KIFBP: variants seen among roughly 807,000 people sequenced by gnomAD.
The protein encoded by KIFBP is KIF-binding protein.
A neutral mutation model predicts 58.9 loss-of-function variants in KIFBP; 46 were observed. The ratio of observed to expected loss-of-function variants is 0.78; its 90% CI spans 0.62 to 1.00. The LOEUF (loss-of-function observed/expected upper bound fraction) is 1.00. Among genes scored for constraint, KIFBP ranks in the 50% least tolerant of loss-of-function variants. The pLI is 0.00. For missense variants in KIFBP, 651 were observed against 752.9 expected, an observed-to-expected ratio of 0.86 and a Z score of 1.58; for synonymous variants, 241 against 283.4, an observed-to-expected ratio of 0.85 and a Z score of 1.50.
At position 68,990,486 on chromosome 10, in the gene KIFBP, A is replaced by G. The variant is rs184877557; in HGVS notation, c.426+1228A>G. On this transcript the variant is annotated intron_variant, in intron 1 of 6. Transcript: ENST00000361983. ...GGAGGATCACTTGAGCCCCTGGAGG[A>G]GCCATGATCATGCCACTGCAACTGC... Among the ~76,000 whole-genome samples, 691 of 152,246 alleles carry G rather than the reference A, an allele frequency of 4.5e-3. 7 individuals carry two copies. Among genetic ancestry groups the G allele is most frequent in the South Asian group, 0.018 (89 of 4,826 alleles).
intron 6 of KIFBP, among the ~76,000 whole-genome samples, chr10:69,015,130 G>A (rs1028000929): frequency 6.6e-6 from 1 of 152,058 alleles, no homozygotes; most frequent in Non-Finnish European, 1.5e-5. Flanking sequence ...CACTATGTTG[G>A]CCAGGCTGGT....
chr10:69,007,226 G>A (rs1431445183), intron 4 of KIFBP, among the ~76,000 whole-genome samples: 1 of 152,174 alleles, frequency 6.6e-6, no homozygotes, highest in Admixed American at 6.6e-5. Context: ...TAATTTTCAT[G>A]AGACCTCCCA....
At chr10:68,991,613 G>C (rs528722723) in intron 1 of KIFBP, 36 of 335,596 alleles carry the variant, frequency 1.1e-4, no homozygotes, top group Middle Eastern at 2.1e-3. Context: ...ATCCATCAAG[G>C]CTCCTTGGTC....
intron 5 of KIFBP, 77 bp from the exon 6 acceptor site, chr10:69,010,823 A>G: frequency 1.1e-6 from 1 of 913,018 alleles, no homozygotes; most frequent in Non-Finnish European, 1.8e-6. Flanking sequence ...GGAAAAAGTG[A>G]TATTAAAAAA....
chr10:69,015,720 A>G lies in KIFBP; in HGVS notation c.1170A>G (p.Glu390=). ...KVSYLRPLDF[E]EARELFLLGQ... Reference sequence around the variant, plus strand: ...GCTACTTGAGACCTTTAGATTTTGAAGAAGCCAGAGAACTTTTCTTATTGG... The same window carrying G: ...GCTACTTGAGACCTTTAGATTTTGAGGAAGCCAGAGAACTTTTCTTATTGG... Residue 390 remains glutamate (E), a synonymous_variant, in exon 7 of 7, where the codon GAA becomes GAG. Coordinates refer to ENST00000361983, the MANE Select transcript of KIFBP (RefSeq NM_015634.4). 1.2e-6 allele frequency: 2 copies of G among 1,614,204 alleles called. No homozygotes were observed. Among genetic ancestry groups the G allele is most frequent in the Non-Finnish European group, 1.7e-6 (2 of 1,180,044 alleles).
intron 1 of KIFBP, among the ~76,000 whole-genome samples, chr10:68,995,630 G>T (rs1416852215): frequency 6.6e-6 from 1 of 152,144 alleles, no homozygotes; most frequent in Non-Finnish European, 1.5e-5. Flanking sequence ...AATATGAGAT[G>T]GGAAGTGTAC....
In KIFBP at chr10:68,988,916, G is replaced by A; in HGVS notation, c.84G>A (p.Pro28=). The part of the protein sequence containing the change: ...ALSRVELHKN[P]EKEPYKSKYS... The stretch of plus-strand genomic sequence containing the variant: ...CGCGGGTGGAACTGCATAAAAATCC[G>A]GAGAAGGAACCATACAAGTCCAAAT... Residue 28 remains proline, a synonymous_variant, in exon 1 of 7, where the codon CCG becomes CCA. Transcript: ENST00000361983. 2 of 1,614,262 alleles carry A rather than the reference G, an allele frequency of 1.2e-6. No homozygotes were observed. Among genetic ancestry groups the A allele is most frequent in the Admixed American group, 1.7e-5 (1 of 60,034 alleles).
chr10:68,995,564 T>C (rs1325406522), intron 1 of KIFBP, among the ~76,000 whole-genome samples: 3 of 152,240 alleles, frequency 2.0e-5, no homozygotes, highest in African/African-American at 7.2e-5. Flanking sequence ...TTAAAATCTT[T>C]GCATCTGTGT....
In KIFBP at chr10:69,010,986, C is replaced by G. The variant is rs200525249; in HGVS notation, c.961C>G (p.Leu321Val). 4.3e-5 allele frequency: 70 copies of G among 1,613,870 alleles called. No homozygotes were observed. In the Admixed American group the frequency reaches 8.8e-4, roughly 20 times the overall value. ...GTGCTGGATCAAATACTGTTTGACT[C>G]TCATGCAGAATGCCCAACTCTCCAT... Reference protein sequence around the residue: ...ARCWIKYCLTLMQNAQLSMQD... With the variant: ...ARCWIKYCLTVMQNAQLSMQD... The change falls in exon 6 of 7, where the codon CTC (leucine) becomes GTC (valine). Residue 321 changes from leucine to valine, a missense_variant. Transcript: ENST00000361983.
In KIFBP at chr10:69,016,168, C is replaced by T. The variant is rs1564639703; in HGVS notation, c.1618C>T (p.Leu540Phe). Residue 540 changes from leucine to phenylalanine, a missense_variant, in exon 7 of 7, where the codon CTT becomes TTT. Transcript: ENST00000361983. The part of the protein sequence containing the change: ...VFPEHIGEDV[L>F]RPAMLAKFRV... ...CCCTGAGCATATAGGGGAAGATGTT[C>T]TTCGCCCTGCCATGTTAGCTAAGTT... 1 of 1,614,124 alleles carries T rather than the reference C, an allele frequency of 6.2e-7. No individual in the cohort carries two copies. Among genetic ancestry groups the T allele is most frequent in the Admixed American group, 1.7e-5 (1 of 60,010 alleles).
Position 69,015,551 on chromosome 10 carries a change from G to A in KIFBP, c.1001G>A (p.Gly334Glu), listed in dbSNP as rs113952834. The stretch of plus-strand genomic sequence containing the variant: ...TTTTTTTTCCTTCAGGACAACATAG[G>A]AGAGCTTGATCTTGATAAACAGTCT... ...NAQLSMQDNI[G>E]ELDLDKQSEL... is the part of the protein sequence containing the mutation. Residue 334 changes from glycine (G) to glutamate (E), a missense_variant, in exon 7 of 7, where the codon GGA (glycine) becomes GAA (glutamate). Gly to Glu is a moderately conservative substitution (Grantham distance 98). Coordinates refer to ENST00000361983, the MANE Select transcript of KIFBP (RefSeq NM_015634.4). 1 of 1,613,686 alleles carries A rather than the reference G, an allele frequency of 6.2e-7. No individual in the cohort carries two copies. The highest frequency in any genetic ancestry group is 8.5e-7 in the Non-Finnish European group (1 of 1,179,938).
chr10:68,988,898 G>A lies in KIFBP; in HGVS notation c.66G>A (p.Val22=), dbSNP rs368452753. The A allele has an allele frequency of 9.9e-6, 16 of 1,614,140 alleles. No individual in the cohort carries two copies. Among genetic ancestry groups the A allele is most frequent in the Middle Eastern group, 1.6e-4 (1 of 6,084 alleles). The part of the protein sequence containing the change: ...KFQAALALSR[V]ELHKNPEKEP... ...AGGCGGCGCTCGCTCTGTCGCGGGT[G>A]GAACTGCATAAAAATCCGGAGAAGG... Residue 22 remains valine (V), a synonymous_variant, in exon 1 of 7, where the codon GTG becomes GTA. Coordinates refer to ENST00000361983, the MANE Select transcript of KIFBP (RefSeq NM_015634.4).
At chr10:68,991,210 A>C (rs1260602937) in intron 1 of KIFBP, 1 of 153,950 alleles carries the variant, frequency 6.5e-6, no homozygotes, top group Non-Finnish European at 1.4e-5. Flanking sequence ...CTCTGGGGCC[A>C]GGCTTCCTTT....
rs180920587 is a variant in KIFBP, at chr10:68,992,458, A to T, written c.426+3200A>T. 2.7e-3 allele frequency among the ~76,000 whole-genome samples: 410 copies of T among 152,202 alleles called. 3 individuals are homozygous for T. Among genetic ancestry groups the T allele is most frequent in the African/African-American group, 9.4e-3 (392 of 41,516 alleles). On this transcript the variant is annotated intron_variant, in intron 1 of 6. Transcript: ENST00000361983. ...AGCAGTGGTGTAGAAAAATAGGTAAATTTTTTGTTTCAAGACTTAAAACTA... is the reference window on the plus strand; with the variant it reads ...AGCAGTGGTGTAGAAAAATAGGTAATTTTTTTGTTTCAAGACTTAAAACTA...
chr10:69,000,404 T>C lies in KIFBP; in HGVS notation c.427-20T>C. ...GAAGTCTTATATCATTGTTTGTTTCTCTTTTTCTTTATTTTCCAGAATAAC... is the reference window on the plus strand; with the variant it reads ...GAAGTCTTATATCATTGTTTGTTTCCCTTTTTCTTTATTTTCCAGAATAAC... On this transcript the variant is annotated intron_variant, in intron 1 of 6. Coordinates refer to ENST00000361983, the MANE Select transcript of KIFBP (RefSeq NM_015634.4). 6.7e-7 allele frequency: 1 copy of C among 1,501,130 alleles called. No homozygotes were observed. Among genetic ancestry groups the C allele is most frequent in the Non-Finnish European group, 9.3e-7 (1 of 1,077,638 alleles). The allele number at this position is 1,501,130 out of a possible 1,614,324, so 93.0% of individuals were successfully genotyped here.
chr10:68,998,102 C>A (rs1843426187), intron 1 of KIFBP, among the ~76,000 whole-genome samples: 2 of 152,130 alleles, frequency 1.3e-5, no homozygotes, highest in South Asian at 4.1e-4. Context: ...TGAGAATGGA[C>A]TAATACAAAG....
chr10:69,000,611 ACT>A, intron 2 of KIFBP, 89 bp downstream of exon 2: 1 of 881,528 alleles, frequency 1.1e-6, no homozygotes. Flanking sequence ...TATTGGTGTG[ACT>A]CTTCACTGTG....
intron 1 of KIFBP, among the ~76,000 whole-genome samples, chr10:68,996,168 A>C (rs1843405254): frequency 6.6e-6 from 1 of 151,960 alleles, no homozygotes; most frequent in Non-Finnish European, 1.5e-5. Flanking sequence ...AAAAAAAAAA[A>C]ATGGTAATAA....
chr10:68,991,972 T>C (rs568784248), intron 1 of KIFBP, among the ~76,000 whole-genome samples: 36 of 114,306 alleles, frequency 3.1e-4, no homozygotes, highest in Non-Finnish European at 6.9e-4. Flanking sequence ...TTTATGTGGG[T>C]TTTTTTTTTT....
Sources: allele counts gnomAD v4.1 joint callset (sites outside exome capture counted in the v4.1 genomes callset), GRCh38; gene constraint gnomAD v4.1.1; transcripts MANE v1.5; gene names NCBI Gene and HGNC (gene_info 2026-07-23, HGNC 2026-07-21).